RAB33B: variants seen among roughly 807,000 people sequenced by gnomAD.
RAB33B encodes the protein ras-related protein Rab-33B.
A neutral mutation model predicts 15.0 loss-of-function variants in RAB33B; 6 were observed. That is an observed-to-expected ratio of 0.40 (90% CI 0.22 to 0.79). RAB33B has a LOEUF of 0.79. RAB33B is among the 30% of genes least tolerant of loss of function. The probability of loss-of-function intolerance (pLI) is 0.37; values close to 1 mark genes in which losing one functional copy is unlikely to be tolerated. For missense variants in RAB33B, 257 were observed against 296.4 expected, an observed-to-expected ratio of 0.87 and a Z score of 0.98; for synonymous variants, 117 against 108.3, an observed-to-expected ratio of 1.08 and a Z score of -0.50.
rs370996949 is a variant in RAB33B at position 139,454,219 on chromosome 4, G to T, written c.24G>T (p.Ser8=). The T allele has an allele frequency of 3.1e-6, 5 of 1,613,456 alleles. No homozygotes were observed. In the African/African-American group the frequency reaches 6.7e-5, roughly 22 times the overall value. The change falls in exon 1 of 2, where the codon TCG becomes TCT. Residue 8 remains serine (S), a synonymous_variant. Transcript: ENST00000305626. MAEEMES[S]LEASFSSSGA... ...GAATGGCTGAGGAGATGGAGTCGTCGCTCGAGGCAAGCTTTTCGTCCAGCG... is the reference window on the plus strand; with the variant it reads ...GAATGGCTGAGGAGATGGAGTCGTCTCTCGAGGCAAGCTTTTCGTCCAGCG...
the RAB33B span, among the ~76,000 whole-genome samples, chr4:139,443,809 ACT>A: frequency 2.0e-5 from 3 of 152,104 alleles, no homozygotes; most frequent in Non-Finnish European, 4.4e-5. Context: ...CCTGACCCAC[ACT>A]GTCATCAGCC....
chr4:139,470,890 C>G (rs1353009776), intron 1 of RAB33B, among the ~76,000 whole-genome samples: 1 of 152,048 alleles, frequency 6.6e-6, no homozygotes. Flanking sequence ...CCTGCTGTGG[C>G]TGAGCTGGTA....
chr4:139,471,458 C>T (rs1432059868), intron 1 of RAB33B, among the ~76,000 whole-genome samples: 4 of 151,148 alleles, frequency 2.6e-5, no homozygotes, highest in African/African-American at 9.7e-5. Context: ...TTCAGTTCCT[C>T]TTTCAGCAAT....
chr4:139,453,079 A>G (rs1321165151), upstream of RAB33B: 1 of 152,236 alleles, frequency 6.6e-6, no homozygotes, highest in Non-Finnish European at 1.5e-5. Flanking sequence ...TTAGGTAGAC[A>G]AAGACAACCT....
In RAB33B at chr4:139,474,283, T is replaced by G. The variant is rs141155369; in HGVS notation, c.*1157T>G. The G allele has an allele frequency of 1.3e-5, 2 of 152,274 alleles. No individual in the cohort carries two copies. Among genetic ancestry groups the G allele is most frequent in the East Asian group, 3.9e-4 (2 of 5,192 alleles). The allele number at this position is 152,274 out of a possible 1,614,324, so 9.4% of individuals were successfully genotyped here. A position where few individuals can be genotyped will look rare whatever the true frequency, so the allele number is the denominator to read the frequency against. On this transcript the variant is annotated 3_prime_UTR_variant, in exon 2 of 2. Coordinates refer to ENST00000305626, the MANE Select transcript of RAB33B (RefSeq NM_031296.3). ...GGCAAATAAAGTGACATAAGGTGCTTTATATTTTATTTTGGTATATTTAAA... is the reference window on the plus strand; with the variant it reads ...GGCAAATAAAGTGACATAAGGTGCTGTATATTTTATTTTGGTATATTTAAA...
At chr4:139,439,503 G>C in the RAB33B span, among the ~76,000 whole-genome samples, 1 of 152,188 alleles carries the variant, frequency 6.6e-6, no homozygotes, top group Non-Finnish European at 1.5e-5. Context: ...ATCTCAGTAT[G>C]TGTTTCTTTG....
At chr4:139,447,868 G>A in the RAB33B span, among the ~76,000 whole-genome samples, 30 of 151,824 alleles carry the variant, frequency 2.0e-4, no homozygotes, top group Non-Finnish European at 3.5e-4. Flanking sequence ...GGGTTTCACC[G>A]TTTTTAGCTG....
At chr4:139,469,819 T>C (rs1224157874) in intron 1 of RAB33B, among the ~76,000 whole-genome samples, 2 of 152,214 alleles carry the variant, frequency 1.3e-5, no homozygotes, top group Non-Finnish European at 2.9e-5. Flanking sequence ...AGATGCGTGC[T>C]TCCTTCCCTT....
In RAB33B at chr4:139,476,238, A is replaced by G. The variant is rs1197495333; in HGVS notation, c.*3112A>G. On this transcript the variant is annotated 3_prime_UTR_variant, in exon 2 of 2. Transcript: ENST00000305626. ...TTGATGTGTATTTAGACGTAAAAGC[A>G]TTTAACAGAATGAATAACTATAGAA... 6.6e-6 allele frequency: 1 copy of G among 152,262 alleles called. No homozygotes were observed. Among genetic ancestry groups the G allele is most frequent in the East Asian group, 1.9e-4 (1 of 5,200 alleles). 9.4% of individuals were successfully genotyped at this position (152,262 alleles called of 1,614,324 possible).
At chr4:139,465,453 G>A (rs1017614802) in intron 1 of RAB33B, among the ~76,000 whole-genome samples, 44 of 152,108 alleles carry the variant, frequency 2.9e-4, no homozygotes, top group Admixed American at 2.9e-3. Context: ...TTTAGACATG[G>A]AGTCCTTGCC....
At chr4:139,446,658 A>C in the RAB33B span, among the ~76,000 whole-genome samples, 3 of 152,240 alleles carry the variant, frequency 2.0e-5, no homozygotes, top group Non-Finnish European at 2.9e-5. Flanking sequence ...GGATTTTAAT[A>C]ATCAAGTGAA....
At chr4:139,456,839 C>CT (rs1378694393) in intron 1 of RAB33B, among the ~76,000 whole-genome samples, 1 of 152,000 alleles carries the variant, frequency 6.6e-6, no homozygotes, top group African/African-American at 2.4e-5. Context: ...TTTTAGTGCC[C>CT]TTTTTTTCGA....
At chr4:139,464,673 A>G (rs1750245700) in intron 1 of RAB33B, among the ~76,000 whole-genome samples, 1 of 152,082 alleles carries the variant, frequency 6.6e-6, no homozygotes, top group South Asian at 2.1e-4. Flanking sequence ...TTTGCTGAGA[A>G]TGATGGTTTC....
the RAB33B span, among the ~76,000 whole-genome samples, chr4:139,442,404 TAGTG>T: frequency 6.6e-6 from 1 of 152,208 alleles, no homozygotes; most frequent in Non-Finnish European, 1.5e-5. Context: ...TGATGGTTAA[TAGTG>T]AGTGTCAACT....
intron 1 of RAB33B, among the ~76,000 whole-genome samples, chr4:139,465,660 T>G (rs1312602376): frequency 1.3e-5 from 2 of 152,142 alleles, no homozygotes; most frequent in Non-Finnish European, 1.5e-5. Flanking sequence ...GGAAGAGGAA[T>G]GTTGTTTAGT....
In RAB33B at chr4:139,454,392, TA is replaced by T; in HGVS notation, c.198del (p.Ile66MetfsTer51). On this transcript the variant is annotated frameshift_variant, in exon 1 of 2. Coordinates refer to ENST00000305626, the MANE Select transcript of RAB33B (RefSeq NM_031296.3). LOFTEE classifies it high-confidence loss of function. The stretch of plus-strand genomic sequence containing the variant: ...TTCCCCGACCGCACCGAGGCCACGA[TA>T]GGGGTGGATTTCCGAGAACGAGCGG... ...GRFPDRTEAT[I>X]GVDFRERAVE... The T allele has an allele frequency of 6.2e-7, 1 of 1,612,940 alleles. No homozygotes were observed. Among genetic ancestry groups the T allele is most frequent in the Non-Finnish European group, 8.5e-7 (1 of 1,179,850 alleles).
chr4:139,468,763 C>T (rs913162542), intron 1 of RAB33B, among the ~76,000 whole-genome samples: 2 of 152,160 alleles, frequency 1.3e-5, no homozygotes, highest in African/African-American at 4.8e-5. Context: ...TGATCAAACC[C>T]TTCAGCTTTT....
At chr4:139,468,642 T>C (rs573204871) in intron 1 of RAB33B, among the ~76,000 whole-genome samples, 6 of 152,354 alleles carry the variant, frequency 3.9e-5, no homozygotes, top group Middle Eastern at 3.4e-3. Flanking sequence ...TGTGTACTTA[T>C]TATTACCAGT....
Position 139,473,307 on chromosome 4 carries a change from A to G in RAB33B, c.*181A>G. 5 of 609,878 alleles carry G rather than the reference A, an allele frequency of 8.2e-6. No individual in the cohort carries two copies. The South Asian group carries it at 1.4e-4, about 17-fold the overall frequency. The allele number at this position is 609,878 out of a possible 1,614,324, so 37.8% of individuals were successfully genotyped here. A position where few individuals can be genotyped will look rare whatever the true frequency, so the allele number is the denominator to read the frequency against. On this transcript the variant is annotated 3_prime_UTR_variant, in exon 2 of 2. Transcript: ENST00000305626. ...TTTGTCACTGTGACAACACAGGAAA[A>G]GTTGGTTTTCAGGTGAGATTGAAAA...
Sources: gnomAD v4.1 joint callset for allele counts (sites outside exome capture counted in the v4.1 genomes callset) on GRCh38, gnomAD v4.1.1 for gene constraint, MANE v1.5 for transcripts, NCBI Gene and HGNC (gene_info 2026-07-23, HGNC 2026-07-21) for gene names.